GRIK4: variants seen among roughly 807,000 people sequenced by gnomAD.
GRIK4 encodes the protein glutamate receptor ionotropic, kainate 4.
A neutral mutation model predicts 104.9 loss-of-function variants in GRIK4; 40 were observed. That is an observed-to-expected ratio of 0.38 (90% CI 0.30 to 0.50). GRIK4 has a LOEUF of 0.50. Among genes scored for constraint, GRIK4 ranks in the 20% least tolerant of loss-of-function variants. The probability of loss-of-function intolerance (pLI) is 0.93; values close to 1 mark genes in which losing one functional copy is unlikely to be tolerated. For missense variants in GRIK4, 1,047 were observed against 1,308.1 expected, an observed-to-expected ratio of 0.80 and a Z score of 3.08; for synonymous variants, 485 against 524.9, an observed-to-expected ratio of 0.92 and a Z score of 1.04.
At chr11:120,810,238 T>C (rs1289657200) in intron 4 of GRIK4, among the ~76,000 whole-genome samples, 1 of 152,220 alleles carries the variant, frequency 6.6e-6, no homozygotes, top group Non-Finnish European at 1.5e-5. Context: ...CTGAGTTTGA[T>C]GAAAAACATC....
Position 120,897,489 on chromosome 11 carries a change from C to G in GRIK4, c.1165-1043C>G, listed in dbSNP as rs893144774. Reference sequence around the variant, plus strand: ...TCTCTACCAAAAATACAAAAATTAGCTGGGGATGGTGGCAGGCACCTGTAA... The same window carrying G: ...TCTCTACCAAAAATACAAAAATTAGGTGGGGATGGTGGCAGGCACCTGTAA... On this transcript the variant is annotated intron_variant, in intron 11 of 20. Transcript: ENST00000527524. 3.3e-5 allele frequency among the ~76,000 whole-genome samples: 5 copies of G among 149,760 alleles called. No individual in the cohort carries two copies. In the South Asian group the frequency reaches 1.1e-3, roughly 32 times the overall value.
At chr11:120,825,762 G>A (rs908362125) in intron 6 of GRIK4, among the ~76,000 whole-genome samples, 2 of 152,224 alleles carry the variant, frequency 1.3e-5, no homozygotes, top group African/African-American at 2.4e-5. Flanking sequence ...GTAACAAGAC[G>A]ATAATAATGT....
intron 9 of GRIK4, among the ~76,000 whole-genome samples, chr11:120,864,442 G>A (rs1445291316): frequency 3.9e-5 from 6 of 151,922 alleles, no homozygotes; most frequent in East Asian, 1.9e-4. Flanking sequence ...GGGTTTCACC[G>A]TGTTAGCCAG....
chr11:120,858,544 T>A (rs1954177710), intron 8 of GRIK4: 1 of 152,220 alleles, frequency 6.6e-6, no homozygotes, highest in African/African-American at 2.4e-5. Flanking sequence ...ACCAGCTGCT[T>A]CACTGCTGGA....
intron 3 of GRIK4, among the ~76,000 whole-genome samples, chr11:120,681,882 C>G (rs1160370677): frequency 2.0e-5 from 3 of 152,166 alleles, no homozygotes; most frequent in Non-Finnish European, 4.4e-5. Flanking sequence ...CAGAAGTGCT[C>G]CGGGTAAAGG....
At chr11:120,824,553 C>CTTTTTTTT (rs763907708) in intron 6 of GRIK4, among the ~76,000 whole-genome samples, 2 of 128,894 alleles carry the variant, frequency 1.6e-5, no homozygotes, top group African/African-American at 2.9e-5. Flanking sequence ...TTTTTCTTTT[C>CTTTTTTTT]TTTTTTTTTT....
Position 120,967,268 on chromosome 11 carries a change from G to A in GRIK4, c.2340G>A (p.Lys780=). ...LQENNRLEIL[K]RKWWEGGKCP... ...AGAACAACCGCCTGGAGATCCTGAA[G>A]CGCAAATGGTGGGAAGGAGGGAAGT... The change falls in exon 19 of 21, where the codon AAG becomes AAA. Residue 780 remains lysine (K), a synonymous_variant. Transcript: ENST00000527524. This position sits in a 1 kb window ranked among gnomAD's most constrained non-coding sequence, Gnocchi z 4.2. 1.2e-6 allele frequency: 2 copies of A among 1,613,928 alleles called. No homozygotes were observed. Among genetic ancestry groups the A allele is most frequent in the Non-Finnish European group, 1.7e-6 (2 of 1,179,874 alleles).
chr11:120,573,621 A>G (rs1355272104), intron 1 of GRIK4, among the ~76,000 whole-genome samples: 6 of 152,216 alleles, frequency 3.9e-5, no homozygotes, highest in Admixed American at 3.9e-4. Flanking sequence ...CAGAATGGTC[A>G]CTGAGCAGAT....
rs915071583 is a variant in GRIK4, at chr11:120,528,401, A to G, written c.-159+16514A>G. ...GCTGGGATTACAGGCATGAGCCACCAAGCCCGACCCTATAATTTTTTTATA... is the reference window on the plus strand; with the variant it reads ...GCTGGGATTACAGGCATGAGCCACCGAGCCCGACCCTATAATTTTTTTATA... On this transcript the variant is annotated intron_variant, in intron 1 of 20. Transcript: ENST00000527524. Among the ~76,000 whole-genome samples the G allele has an allele frequency of 5.9e-5, 9 of 152,274 alleles. No homozygotes were observed. The South Asian group carries it at 8.3e-4, about 14-fold the overall frequency.
chr11:120,727,081 T>C (rs77534780), intron 3 of GRIK4, among the ~76,000 whole-genome samples: 5,341 of 152,176 alleles, frequency 0.035, 121 homozygotes, highest in East Asian at 0.093. Flanking sequence ...TAGCAACAGA[T>C]TTGCACTGGA....
chr11:120,819,883 C>T lies in GRIK4; in HGVS notation c.474C>T (p.Asn158=). The T allele has an allele frequency of 6.2e-7, 1 of 1,614,122 alleles. No homozygotes were observed. The highest frequency in any genetic ancestry group is 8.5e-7 in the Non-Finnish European group (1 of 1,180,020). ...VAVAGILNFF[N]CTTACLICAK... is the part of the protein sequence containing the mutation. ...TAGCTGGGATCCTGAACTTCTTCAA[C>T]TGCACCACCGCCTGCCTCATCTGTG... Residue 158 remains asparagine (N), a synonymous_variant, in exon 6 of 21, where the codon AAC becomes AAT. Transcript: ENST00000527524. The surrounding 1 kb of genome is among the most constrained non-coding windows in gnomAD (Gnocchi z 4.3).
At chr11:120,797,958 C>T (rs1952551256) in intron 3 of GRIK4, among the ~76,000 whole-genome samples, 1 of 152,136 alleles carries the variant, frequency 6.6e-6, no homozygotes, top group African/African-American at 2.4e-5. Context: ...AGACTGGTGT[C>T]CAGGCTGCCA....
chr11:120,725,394 A>G (rs559693610), intron 3 of GRIK4, among the ~76,000 whole-genome samples: 189 of 152,356 alleles, frequency 1.2e-3, no homozygotes, highest in African/African-American at 4.2e-3. Context: ...ATAGAAAGCC[A>G]GTGACTGAGA....
chr11:120,699,280 G>A (rs1293121140), intron 3 of GRIK4, among the ~76,000 whole-genome samples: 1 of 152,174 alleles, frequency 6.6e-6, no homozygotes, highest in Admixed American at 6.5e-5. Flanking sequence ...TTTAAGGAAA[G>A]ATCAAACTAG....
chr11:120,747,905 C>CT (rs1319915493), intron 3 of GRIK4, among the ~76,000 whole-genome samples: 1 of 152,234 alleles, frequency 6.6e-6, no homozygotes, highest in African/African-American at 2.4e-5. Flanking sequence ...CAAGTGTGCT[C>CT]TTCAAACAAG....
chr11:120,969,086 C>G (rs1276138311), intron 19 of GRIK4, among the ~76,000 whole-genome samples: 1 of 152,212 alleles, frequency 6.6e-6, no homozygotes, highest in African/African-American at 2.4e-5. Context: ...CCCAGCACAT[C>G]ACTTCACACT....
intron 13 of GRIK4, among the ~76,000 whole-genome samples, chr11:120,907,367 G>A (rs1224171649): frequency 1.3e-5 from 2 of 152,092 alleles, no homozygotes; most frequent in Non-Finnish European, 2.9e-5. Flanking sequence ...ATAGACTGGA[G>A]GACAAGGAGA....
intron 3 of GRIK4, among the ~76,000 whole-genome samples, chr11:120,667,047 G>T (rs1317026051): frequency 6.6e-6 from 1 of 152,172 alleles, no homozygotes; most frequent in Non-Finnish European, 1.5e-5. Flanking sequence ...ACCCGGAGGG[G>T]GCCACACAGG....
chr11:120,853,597 G>C lies in GRIK4; in HGVS notation c.745-8362G>C, dbSNP rs561762828. Among the ~76,000 whole-genome samples, 10 of 152,334 alleles carry C rather than the reference G, an allele frequency of 6.6e-5. No individual in the cohort carries two copies. The South Asian group carries it at 2.1e-3, about 32-fold the overall frequency. On this transcript the variant is annotated intron_variant, in intron 8 of 20. Transcript: ENST00000527524. The stretch of plus-strand genomic sequence containing the variant: ...TGTGGACAGTGAGAGCATGGAAGGG[G>C]AGGATGCATTCTAAATTCTAGCTTG...
Sources: gnomAD v4.1 joint callset for allele counts (sites outside exome capture counted in the v4.1 genomes callset) on GRCh38, gnomAD v4.1.1 for gene constraint, Gnocchi (gnomAD v3.1) non-coding constraint, MANE v1.5 for transcripts, NCBI Gene and HGNC (gene_info 2026-07-23, HGNC 2026-07-21) for gene names.